The following ST8SIA4 variants were observed in gnomAD, a reference collection of about 807,000 sequenced individuals.
ST8SIA4 encodes CMP-N-acetylneuraminate-poly-alpha-2,8-sialyltransferase.
In ST8SIA4, 15 loss-of-function variants were observed where a neutral mutation model predicts 33.9. That is an observed-to-expected ratio of 0.44 (90% CI 0.30 to 0.68). ST8SIA4 has a LOEUF of 0.68. ST8SIA4 is among the 30% of genes least tolerant of loss of function. ST8SIA4 has a pLI of 0.10. For synonymous variants in ST8SIA4, 171 were observed against 151.2 expected, an observed-to-expected ratio of 1.13 and a Z score of -0.96; for missense variants, 321 against 428.0, an observed-to-expected ratio of 0.75 and a Z score of 2.21.
intron 4 of ST8SIA4, among the ~76,000 whole-genome samples, chr5:100,833,680 T>C (rs1751304727): frequency 6.6e-6 from 1 of 152,178 alleles, no homozygotes; most frequent in Non-Finnish European, 1.5e-5. Context: ...GGGTGTTAAC[T>C]AATATTATAC....
chr5:100,882,067 C>T (rs548628497), intron 3 of ST8SIA4, among the ~76,000 whole-genome samples: 11 of 152,094 alleles, frequency 7.2e-5, no homozygotes, highest in East Asian at 1.9e-4. Context: ...ACTTTGGAAC[C>T]GTGTAACAGG....
chr5:100,855,307 A>C (rs1005451859), intron 4 of ST8SIA4, among the ~76,000 whole-genome samples: 1 of 152,200 alleles, frequency 6.6e-6, no homozygotes, highest in Non-Finnish European at 1.5e-5. Context: ...TACACCTCTG[A>C]CAACATATTC....
chr5:100,893,534 C>T (rs962764679), intron 2 of ST8SIA4, among the ~76,000 whole-genome samples: 1 of 152,076 alleles, frequency 6.6e-6, no homozygotes, highest in Non-Finnish European at 1.5e-5. Context: ...ATGTAATGCT[C>T]ATTGATTTGT....
intron 4 of ST8SIA4, among the ~76,000 whole-genome samples, chr5:100,826,032 T>TA (rs1462918461): frequency 6.6e-6 from 1 of 152,204 alleles, no homozygotes. Flanking sequence ...CACCAGCTCT[T>TA]ACTGTATTTC....
chr5:100,857,460 A>G (rs942711458), intron 3 of ST8SIA4, among the ~76,000 whole-genome samples: 2 of 151,886 alleles, frequency 1.3e-5, no homozygotes, highest in Non-Finnish European at 1.5e-5. Flanking sequence ...TTAGATTTTG[A>G]TAAACAAGAG....
intron 4 of ST8SIA4, among the ~76,000 whole-genome samples, chr5:100,815,651 C>G (rs1352850826): frequency 2.0e-5 from 3 of 152,022 alleles, no homozygotes; most frequent in Admixed American, 2.0e-4. Context: ...CTTATATACT[C>G]TTGCTCCAAA....
intron 4 of ST8SIA4, among the ~76,000 whole-genome samples, chr5:100,823,645 C>T (rs1010665387): frequency 1.3e-5 from 2 of 152,162 alleles, no homozygotes; most frequent in Non-Finnish European, 2.9e-5. Context: ...TTAAAATTAT[C>T]CGGTAAAACA....
At chr5:100,883,195 A>G (rs1343872170) in intron 3 of ST8SIA4, among the ~76,000 whole-genome samples, 1 of 151,698 alleles carries the variant, frequency 6.6e-6, no homozygotes, top group Non-Finnish European at 1.5e-5. Flanking sequence ...GACCATGGGA[A>G]CCCACCTCTT....
intron 4 of ST8SIA4, among the ~76,000 whole-genome samples, chr5:100,845,399 T>C (rs1751547474): frequency 6.6e-6 from 1 of 151,428 alleles, no homozygotes; most frequent in African/African-American, 2.4e-5. Flanking sequence ...AGTTAAAATA[T>C]ATTAATTATT....
intron 4 of ST8SIA4, among the ~76,000 whole-genome samples, chr5:100,839,265 A>G (rs1751425432): frequency 6.6e-6 from 1 of 152,046 alleles, no homozygotes; most frequent in Non-Finnish European, 1.5e-5. Context: ...TTTCATTTAA[A>G]TGAAAATATT....
chr5:100,809,123 C>G lies in ST8SIA4; in HGVS notation c.*2724G>C, dbSNP rs1750752985. ...AATGGCTGAGATATGTGTGCTGTGG[C>G]CTTAACATTGTTTAAATGTATTTAC... On this transcript the variant is annotated 3_prime_UTR_variant, in exon 5 of 5. Transcript: ENST00000231461. The G allele has an allele frequency of 6.6e-6, 1 of 152,446 alleles. No individual in the cohort carries two copies. The highest frequency in any genetic ancestry group is 2.4e-5 in the African/African-American group (1 of 41,374). 9.4% of individuals were successfully genotyped at this position (152,446 alleles called of 1,614,324 possible). A position where few individuals can be genotyped will look rare whatever the true frequency, so the allele number is the denominator to read the frequency against.
At chr5:100,878,628 A>G (rs1752353648) in intron 3 of ST8SIA4, among the ~76,000 whole-genome samples, 2 of 152,152 alleles carry the variant, frequency 1.3e-5, no homozygotes, top group Admixed American at 1.3e-4. Flanking sequence ...ATAAAAGAGT[A>G]TATTTTTCAG....
chr5:100,807,364 C>T lies in ST8SIA4; in HGVS notation c.*4483G>A, dbSNP rs916249801. On this transcript the variant is annotated 3_prime_UTR_variant, in exon 5 of 5. Transcript: ENST00000231461. ...TTCCACAAATTCTATAAGAAATACT[C>T]AGTAGCAATTATTCTGTGCAGCAAT... 2 of 152,536 alleles carry T rather than the reference C, an allele frequency of 1.3e-5. No homozygotes were observed. Among genetic ancestry groups the T allele is most frequent in the African/African-American group, 4.8e-5 (2 of 41,460 alleles). The allele number at this position is 152,536 out of a possible 1,614,324, so 9.4% of individuals were successfully genotyped here.
At chr5:100,820,507 T>C (rs1188325582) in intron 4 of ST8SIA4, among the ~76,000 whole-genome samples, 3 of 152,122 alleles carry the variant, frequency 2.0e-5, no homozygotes, top group Non-Finnish European at 4.4e-5. Context: ...ATATATTTAT[T>C]ATATAAAACA....
chr5:100,850,193 G>T (rs578012004), intron 4 of ST8SIA4, among the ~76,000 whole-genome samples: 1 of 152,062 alleles, frequency 6.6e-6, no homozygotes, highest in Non-Finnish European at 1.5e-5. Flanking sequence ...TGAGAAAGAT[G>T]TAAGTTTAAA....
At chr5:100,874,876 G>A (rs913432817) in intron 3 of ST8SIA4, among the ~76,000 whole-genome samples, 3 of 152,086 alleles carry the variant, frequency 2.0e-5, no homozygotes, top group Non-Finnish European at 2.9e-5. Context: ...GAGCCACTGT[G>A]CTCAGCTTCT....
At chr5:100,872,875 T>TAAAAAAAAAAAAAAAAAAAA (rs550303574) in intron 3 of ST8SIA4, among the ~76,000 whole-genome samples, 1 of 132,438 alleles carries the variant, frequency 7.6e-6, no homozygotes, top group Non-Finnish European at 1.6e-5. Context: ...AGATATGGGC[T>TAAAAAAAAAAAAAAAAAAAA]AAAAAAAAAA....
intron 4 of ST8SIA4, among the ~76,000 whole-genome samples, chr5:100,832,300 T>C (rs1751279758): frequency 6.6e-6 from 1 of 152,152 alleles, no homozygotes; most frequent in South Asian, 2.1e-4. Context: ...TAAGATGTGA[T>C]ACTGTATATC....
rs1580494062 is a variant in ST8SIA4, at chr5:100,903,195, G to T, written c.-240C>A. 3.8e-6 allele frequency: 2 copies of T among 530,122 alleles called. No homozygotes were observed. Among genetic ancestry groups the T allele is most frequent in the South Asian group, 2.3e-5 (1 of 43,818 alleles). 32.8% of individuals were successfully genotyped at this position (530,122 alleles called of 1,614,324 possible). ...AGCTCTGCCAGGGTCGCTCCGCGCCGCCTCCCTGGGGCTCAGGTTTCTTTT... is the reference window on the plus strand; with the variant it reads ...AGCTCTGCCAGGGTCGCTCCGCGCCTCCTCCCTGGGGCTCAGGTTTCTTTT... On this transcript the variant is annotated 5_prime_UTR_variant, in exon 1 of 5. Coordinates refer to ENST00000231461, the MANE Select transcript of ST8SIA4 (RefSeq NM_005668.6).
Sources: allele counts gnomAD v4.1 joint callset (sites outside exome capture counted in the v4.1 genomes callset), GRCh38; gene constraint gnomAD v4.1.1; transcripts MANE v1.5; gene names NCBI Gene and HGNC (gene_info 2026-07-23, HGNC 2026-07-21).